SLC4A5: variants seen among roughly 807,000 people sequenced by gnomAD.
SLC4A5 encodes electrogenic sodium bicarbonate cotransporter 4.
In SLC4A5, 96 loss-of-function variants were observed where a neutral mutation model predicts 120.4. The observed-to-expected ratio is 0.80, with a 90% confidence interval of 0.68 to 0.94. The LOEUF is 0.94. Among genes scored for constraint, SLC4A5 ranks in the 40% least tolerant of loss-of-function variants. SLC4A5 has a pLI of 0.00. For missense variants in SLC4A5, 1,259 were observed against 1,459.5 expected (o/e 0.86, Z 2.24); for synonymous variants, 550 against 571.1 (o/e 0.96, Z 0.53).
intron 6 of SLC4A5, among the ~76,000 whole-genome samples, chr2:74,313,833 G>A (rs1443580862): frequency 1.3e-5 from 2 of 152,146 alleles, no homozygotes; most frequent in Non-Finnish European, 2.9e-5. Flanking sequence ...CTCCACCCTT[G>A]AGGCCAGGAA....
intron 2 of SLC4A5, chr2:74,339,731 C>T (rs1444761022): frequency 6.6e-6 from 1 of 152,224 alleles, no homozygotes; most frequent in Non-Finnish European, 1.5e-5. Context: ...AGGATTCAAA[C>T]AGATAGTTAT....
intron 3 of SLC4A5, among the ~76,000 whole-genome samples, chr2:74,334,651 T>TAGAATAGAGC (rs1673440111): frequency 6.6e-6 from 1 of 152,176 alleles, no homozygotes; most frequent in Non-Finnish European, 1.5e-5. Context: ...CTGATGTATC[T>TAGAATAGAGC]CTGATACCTA....
At chr2:74,266,597 G>A (rs1379850956) in intron 8 of SLC4A5, among the ~76,000 whole-genome samples, 1 of 152,126 alleles carries the variant, frequency 6.6e-6, no homozygotes, top group Non-Finnish European at 1.5e-5. Flanking sequence ...TGAAGGAGTT[G>A]TTTAAAAGAC....
intron 19 of SLC4A5, among the ~76,000 whole-genome samples, chr2:74,244,496 CT>C: frequency 1.5e-5 from 1 of 65,644 alleles, no homozygotes; most frequent in Non-Finnish European, 4.6e-5. Flanking sequence ...TTCTCTCTCC[CT>C]TCCTTCTTTT....
exon 16 of SLC4A5, chr2:74,252,382 A>G (rs1410968052): frequency 1.2e-6 from 2 of 1,612,212 alleles, no homozygotes; most frequent in Non-Finnish European, 1.7e-6. Flanking sequence ...GGGAGAACAC[A>G]GATTTCCTGG....
intron 25 of SLC4A5, among the ~76,000 whole-genome samples, chr2:74,229,259 T>TGG (rs34872093): frequency 6.0e-4 from 88 of 145,568 alleles, no homozygotes; most frequent in Middle Eastern, 3.6e-3. Context: ...TTTTTTTTTT[T>TGG]GGGGGGGGCA....
At chr2:74,251,267 G>A (rs1670782055) in intron 16 of SLC4A5, among the ~76,000 whole-genome samples, 1 of 151,904 alleles carries the variant, frequency 6.6e-6, no homozygotes, top group East Asian at 1.9e-4. Context: ...TCGGGGGTAG[G>A]GGGACTAAGG....
chr2:74,239,262 G>A (rs1052686334), intron 21 of SLC4A5, 73 bp downstream of exon 21: 2 of 1,454,466 alleles, frequency 1.4e-6, no homozygotes, highest in Admixed American at 1.7e-5. Flanking sequence ...CCTGTCGGTG[G>A]ACCAGAACCC....
intron 22 of SLC4A5, 35 bp from the exon 23 acceptor site, chr2:74,233,598 C>T (rs761236995): frequency 8.2e-6 from 13 of 1,579,484 alleles, no homozygotes; most frequent in African/African-American, 1.3e-5. Context: ...GCCCTTTCCT[C>T]TCTCCCTTGT....
At chr2:74,259,509 A>G in intron 12 of SLC4A5, 79 bp downstream of exon 12, 1 of 1,458,688 alleles carries the variant, frequency 6.9e-7, no homozygotes, top group Non-Finnish European at 9.6e-7. Context: ...CTCTGCCCAT[A>G]GGGGATCCCT....
chr2:74,330,903 C>G (rs1443487667), intron 4 of SLC4A5, among the ~76,000 whole-genome samples: 715 of 57,214 alleles, frequency 0.012, 1 homozygote, highest in Non-Finnish European at 0.014. Flanking sequence ...GTGGTGAGGT[C>G]TAGATGGAGG....
chr2:74,262,162 C>A, exon 11 of SLC4A5: 8 of 1,613,708 alleles, frequency 5.0e-6, no homozygotes, highest in Non-Finnish European at 6.8e-6. Flanking sequence ...TTGCACTCTG[C>A]CGCATCCGCA....
chr2:74,276,569 C>G (rs1179933651), intron 8 of SLC4A5, among the ~76,000 whole-genome samples: 1 of 146,688 alleles, frequency 6.8e-6, no homozygotes, highest in Admixed American at 6.8e-5. Flanking sequence ...TAAAATTGCA[C>G]CACCTATACT....
At chr2:74,294,314 A>C (rs1170984379) in intron 7 of SLC4A5, among the ~76,000 whole-genome samples, 2 of 152,368 alleles carry the variant, frequency 1.3e-5, no homozygotes, top group East Asian at 3.9e-4. Context: ...AACAGCAAAA[A>C]GAGAACAACG....
intron 6 of SLC4A5, among the ~76,000 whole-genome samples, chr2:74,311,458 ACTG>A (rs1366892447): frequency 6.6e-6 from 1 of 152,148 alleles, no homozygotes; most frequent in Non-Finnish European, 1.5e-5. Context: ...TCCTCTAAGC[ACTG>A]CTTTTGCTGC....
chr2:74,265,359 G>C (rs918483643), intron 8 of SLC4A5, 95 bp from the exon 9 acceptor site: 80 of 1,445,920 alleles, frequency 5.5e-5, no homozygotes, highest in Non-Finnish European at 6.7e-5. Context: ...GTGGGTTCAT[G>C]CTATGTATGT....
chr2:74,219,873 C>T (rs538662854), intron 30 of SLC4A5, among the ~76,000 whole-genome samples: 1 of 152,276 alleles, frequency 6.6e-6, no homozygotes, highest in African/African-American at 2.4e-5. Context: ...GGACAGGTGA[C>T]ACTTTGGGCT....
At position 74,239,264 on chromosome 2, in the gene SLC4A5, C is replaced by A. The variant is rs1192593716; in HGVS notation, c.2319+71G>T. On this transcript the variant is annotated intron_variant, in intron 21 of 30. Transcript: ENST00000394019. ...GCATGGAGTCCATCCTGTCGGTGGACCAGAACCCTCTCTGGGGGACTCAGC... is the reference window on the plus strand; with the variant it reads ...GCATGGAGTCCATCCTGTCGGTGGAACAGAACCCTCTCTGGGGGACTCAGC... The A allele has an allele frequency of 2.4e-5, 36 of 1,482,314 alleles. No individual in the cohort carries two copies. In the Middle Eastern group the frequency reaches 5.5e-4, roughly 23 times the overall value. The allele number at this position is 1,482,314 out of a possible 1,614,324, so 91.8% of individuals were successfully genotyped here.
intron 4 of SLC4A5, among the ~76,000 whole-genome samples, chr2:74,333,479 A>G (rs1328580143): frequency 6.6e-6 from 1 of 152,240 alleles, no homozygotes; most frequent in Admixed American, 6.5e-5. Flanking sequence ...AAAAATAAAA[A>G]TAAATAACAA....
Sources: allele counts gnomAD v4.1 joint callset (sites outside exome capture counted in the v4.1 genomes callset), GRCh38; gene constraint gnomAD v4.1.1; transcripts MANE v1.5; gene names NCBI Gene and HGNC (gene_info 2026-07-23, HGNC 2026-07-21).